TET1: variants seen among roughly 807,000 people sequenced by gnomAD.
TET1 encodes methylcytosine dioxygenase TET1.
In TET1, 13 loss-of-function variants were observed where a neutral mutation model predicts 148.7. The observed-to-expected ratio is 0.09, with a 90% CI of 0.06 to 0.14. The LOEUF (loss-of-function observed/expected upper bound fraction) is 0.14, where lower values mean the gene tolerates loss of function less well. TET1 is among the 10% of genes least tolerant of loss of function. The pLI is 1.00. For missense variants in TET1, 2,182 were observed against 2,553.8 expected, an observed-to-expected ratio of 0.85 and a Z score of 3.14; for synonymous variants, 907 against 937.2, an observed-to-expected ratio of 0.97 and a Z score of 0.59.
intron 8 of TET1, among the ~76,000 whole-genome samples, chr10:68,678,429 TATG>T: frequency 6.6e-6 from 1 of 152,290 alleles, no homozygotes; most frequent in South Asian, 2.1e-4. Flanking sequence ...TGGATGAGGA[TATG>T]ATGGTCCTAG....
At chr10:68,642,718 C>A (rs969390047) in intron 3 of TET1, among the ~76,000 whole-genome samples, 1 of 152,122 alleles carries the variant, frequency 6.6e-6, no homozygotes. Context: ...GATTCTCCTG[C>A]CTCAGCCTCC....
intron 3 of TET1, among the ~76,000 whole-genome samples, chr10:68,608,217 C>T (rs916370520): frequency 6.6e-6 from 1 of 151,742 alleles, no homozygotes; most frequent in Non-Finnish European, 1.5e-5. Flanking sequence ...CATGAGCCAC[C>T]GTGCCCAGCC....
In TET1 at chr10:68,574,259, A is replaced by C; in HGVS notation, c.1914+7A>C. 1 of 1,607,814 alleles carries C rather than the reference A, an allele frequency of 6.2e-7. No homozygotes were observed. The highest frequency in any genetic ancestry group is 1.3e-5 in the African/African-American group (1 of 74,790). ...TGTTGTTGTGCCTCTGGAGGTAAGCAAACAGTCAAGGGGCTGGGAGACAGC... is the reference window on the plus strand; with the variant it reads ...TGTTGTTGTGCCTCTGGAGGTAAGCCAACAGTCAAGGGGCTGGGAGACAGC... On this transcript the variant is annotated splice_region_variant and intron_variant, in intron 2 of 11. Transcript: ENST00000373644.
chr10:68,573,268 C>A lies in TET1; in HGVS notation c.930C>A (p.Asn310Lys). 6.2e-7 allele frequency: 1 copy of A among 1,614,036 alleles called. No homozygotes were observed. Among genetic ancestry groups the A allele is most frequent in the Non-Finnish European group, 8.5e-7 (1 of 1,180,030 alleles). ...TTAATAAGGTTATACCTGACTTGAA[C>A]CTTAGAAACTGCTTGGCTCTTGGTG... ...SSLNKVIPDL[N>K]LRNCLALGGS... Residue 310 changes from asparagine (N) to lysine (K), a missense_variant, in exon 2 of 12, where the codon AAC becomes AAA. By Grantham distance (94) the Asn-to-Lys change is moderately conservative (BLOSUM62 0). Transcript: ENST00000373644.
At chr10:68,689,806 G>C (rs552825760) in intron 11 of TET1, among the ~76,000 whole-genome samples, 1 of 152,162 alleles carries the variant, frequency 6.6e-6, no homozygotes, top group East Asian at 1.9e-4. Flanking sequence ...TCATAACAGG[G>C]AGAATGTCCT....
intron 3 of TET1, among the ~76,000 whole-genome samples, chr10:68,611,349 C>T (rs776901554): frequency 1.3e-5 from 2 of 151,858 alleles, no homozygotes; most frequent in Non-Finnish European, 2.9e-5. Context: ...CAGTAGCACA[C>T]TCATGTAGTC....
intron 7 of TET1, among the ~76,000 whole-genome samples, chr10:68,671,537 C>T (rs9919473): frequency 0.84 from 127,489 of 152,246 alleles, 53,609 homozygotes; most frequent in African/African-American, 0.89. Context: ...TATGGTAGAA[C>T]GATTTATACT....
At chr10:68,563,380 C>T (rs2053574821) in intron 1 of TET1, among the ~76,000 whole-genome samples, 1 of 152,162 alleles carries the variant, frequency 6.6e-6, no homozygotes, top group South Asian at 2.1e-4. Context: ...CCAGGTGCTG[C>T]CTTTTTTAAA....
At chr10:68,614,200 A>C (rs2054257350) in intron 3 of TET1, among the ~76,000 whole-genome samples, 1 of 152,216 alleles carries the variant, frequency 6.6e-6, no homozygotes, top group Non-Finnish European at 1.5e-5. Context: ...ACTTAGGACC[A>C]TGCTGACCAT....
chr10:68,574,016 A>T lies in TET1; in HGVS notation c.1678A>T (p.Thr560Ser). ...CAGCACAGTTCATGTTGTCAACACC[A>T]CAGTGGTGACTATGCCAGTGCCAAT... The part of the protein sequence containing the change: ...VTSTVHVVNT[T>S]VVTMPVPMVS... The change falls in exon 2 of 12, where the codon ACA (threonine) becomes TCA (serine). Residue 560 changes from threonine (T) to serine (S), a missense_variant. By Grantham distance (58) the Thr-to-Ser change is moderately conservative. Transcript: ENST00000373644. 1 of 1,614,176 alleles carries T rather than the reference A, an allele frequency of 6.2e-7. No individual in the cohort carries two copies. The highest frequency in any genetic ancestry group is 8.5e-7 in the Non-Finnish European group (1 of 1,180,020).
At position 68,691,364 on chromosome 10, in the gene TET1, G is replaced by A. The variant is rs544494200; in HGVS notation, c.5961G>A (p.Leu1987=). 2.3e-5 allele frequency: 37 copies of A among 1,614,104 alleles called. No homozygotes were observed. In the South Asian group the frequency reaches 2.7e-4, roughly 12 times the overall value. ...CCCTGTCACCTGCTGAGGAGAAATT[G>A]CCCCACATTGATGAGTATTGGTCAG... ...DDPLSPAEEK[L]PHIDEYWSDS... is the part of the protein sequence containing the mutation. The change falls in exon 12 of 12, where the codon TTG becomes TTA. Residue 1987 remains leucine (L), a synonymous_variant. Coordinates refer to ENST00000373644, the MANE Select transcript of TET1 (RefSeq NM_030625.3). The surrounding 1 kb of genome is among the most constrained non-coding windows in gnomAD (Gnocchi z 4.4).
rs1213196474 is a variant in TET1 at position 68,661,885 on chromosome 10, T to TTTC, written c.4462-5158_4462-5157insCTT. Among the ~76,000 whole-genome samples, 10 of 148,532 alleles carry TTTC rather than the reference T, an allele frequency of 6.7e-5. No homozygotes were observed. In the South Asian group the frequency reaches 2.1e-3, roughly 32 times the overall value. On this transcript the variant is annotated intron_variant, in intron 6 of 11. Transcript: ENST00000373644. The stretch of plus-strand genomic sequence containing the variant: ...ATTTAAAAAAAATTTTTTTTCTTTT[T>TTTC]TTTTTTTTTTTGTGAGATGGAGTTT...
intron 3 of TET1, among the ~76,000 whole-genome samples, chr10:68,634,411 A>C (rs2054620721): frequency 6.6e-6 from 1 of 152,264 alleles, no homozygotes; most frequent in African/African-American, 2.4e-5. Flanking sequence ...CTAAGAAAGT[A>C]AACTACCAAA....
intron 8 of TET1, chr10:68,674,757 A>G: frequency 4.0e-6 from 2 of 496,078 alleles, no homozygotes; most frequent in Non-Finnish European, 7.9e-6. Flanking sequence ...AAATGCAACA[A>G]TCAGATACGG....
chr10:68,678,028 T>C (rs1007734631), intron 8 of TET1, among the ~76,000 whole-genome samples: 1 of 152,224 alleles, frequency 6.6e-6, no homozygotes, highest in Non-Finnish European at 1.5e-5. Flanking sequence ...TCCAAAGTCC[T>C]GGGATTACAG....
intron 8 of TET1, among the ~76,000 whole-genome samples, chr10:68,680,609 A>G (rs1390149543): frequency 6.6e-6 from 1 of 152,190 alleles, no homozygotes; most frequent in Non-Finnish European, 1.5e-5. Flanking sequence ...CGGCCTCCCA[A>G]AATGTTGGGA....
chr10:68,669,880 G>T (rs1221743867), intron 7 of TET1, among the ~76,000 whole-genome samples: 1 of 152,012 alleles, frequency 6.6e-6, no homozygotes, highest in Non-Finnish European at 1.5e-5. Flanking sequence ...GGCCAGGCTG[G>T]TCTCAAACCC....
chr10:68,573,231 C>G lies in TET1; in HGVS notation c.893C>G (p.Pro298Arg), dbSNP rs1403109458. 3 of 1,613,812 alleles carry G rather than the reference C, an allele frequency of 1.9e-6. No homozygotes were observed. In the African/African-American group the frequency reaches 4.0e-5, roughly 22 times the overall value. ...ATTAAAAGTGAACATGATTGCTACC[C>G]CACCTCCAGTCTTAATAAGGTTATA... ...DPIKSEHDCY[P>R]TSSLNKVIPD... The change falls in exon 2 of 12, where the codon CCC becomes CGC. Residue 298 changes from proline (P) to arginine (R), a missense_variant. Coordinates refer to ENST00000373644, the MANE Select transcript of TET1 (RefSeq NM_030625.3).
intron 2 of TET1, among the ~76,000 whole-genome samples, chr10:68,596,998 T>A (rs2053995523): frequency 6.6e-6 from 1 of 150,588 alleles, no homozygotes; most frequent in Non-Finnish European, 1.5e-5. Flanking sequence ...TCATTTTATT[T>A]TATTTTATTT....
Sources: gnomAD v4.1 joint callset for allele counts (sites outside exome capture counted in the v4.1 genomes callset) on GRCh38, gnomAD v4.1.1 for gene constraint, Gnocchi (gnomAD v3.1) non-coding constraint, MANE v1.5 for transcripts, NCBI Gene and HGNC (gene_info 2026-07-23, HGNC 2026-07-21) for gene names.